Variants in CARMIL1 observed in about 807,000 individuals in gnomAD.
The protein encoded by CARMIL1 is F-actin-uncapping protein LRRC16A.
In CARMIL1, 90 loss-of-function variants were observed where a neutral mutation model predicts 177.1. The ratio of observed to expected loss-of-function variants is 0.51; its 90% confidence interval spans 0.43 to 0.61. The LOEUF (loss-of-function observed/expected upper bound fraction) is 0.61, where lower values mean the gene tolerates loss of function less well. Among genes scored for constraint, CARMIL1 ranks in the 20% least tolerant of loss-of-function variants. The pLI, the probability that CARMIL1 is intolerant of heterozygous loss-of-function variation, is 0.00. For missense variants in CARMIL1, 1,380 were observed against 1,667.0 expected (o/e 0.83, Z 3.00); for synonymous variants, 577 against 606.2 (o/e 0.95, Z 0.71).
intron 2 of CARMIL1, among the ~76,000 whole-genome samples, chr6:25,396,363 C>CTT (rs548277789): frequency 9.2e-5 from 13 of 140,752 alleles, no homozygotes; most frequent in Non-Finnish European, 1.2e-4. Flanking sequence ...TTTTTTTTTC[C>CTT]TTTTTTTTTT....
intron 2 of CARMIL1, among the ~76,000 whole-genome samples, chr6:25,338,102 C>T (rs1453752934): frequency 6.6e-6 from 1 of 151,934 alleles, no homozygotes; most frequent in Non-Finnish European, 1.5e-5. Flanking sequence ...ACCGAAAATA[C>T]AAAAATTAGC....
At chr6:25,286,439 T>G (rs1781530527) in intron 2 of CARMIL1, among the ~76,000 whole-genome samples, 1 of 152,238 alleles carries the variant, frequency 6.6e-6, no homozygotes, top group Admixed American at 6.5e-5. Context: ...TTATGTAAAC[T>G]GCATGATTAA....
At chr6:25,391,137 C>T (rs1302974882) in intron 2 of CARMIL1, among the ~76,000 whole-genome samples, 1 of 152,184 alleles carries the variant, frequency 6.6e-6, no homozygotes, top group Non-Finnish European at 1.5e-5. Context: ...TTAAAGATAG[C>T]TATTTGTACT....
Position 25,556,859 on chromosome 6 carries a change from C to T in CARMIL1, c.2742+9C>T, listed in dbSNP as rs768339353. On this transcript the variant is annotated intron_variant, in intron 29 of 36. Coordinates refer to ENST00000329474, the MANE Select transcript of CARMIL1 (RefSeq NM_017640.6). ...ATCTGGATACCTGTATGGTAAGACA[C>T]ATCCTCTGGTGGTACCGTTACCCTT... 3 of 1,609,318 alleles carry T rather than the reference C, an allele frequency of 1.9e-6. No homozygotes were observed. Among genetic ancestry groups the T allele is most frequent in the South Asian group, 2.2e-5 (2 of 90,956 alleles).
chr6:25,359,097 T>C (rs1788924025), intron 2 of CARMIL1, among the ~76,000 whole-genome samples: 1 of 152,208 alleles, frequency 6.6e-6, no homozygotes, highest in African/African-American at 2.4e-5. Context: ...CTGGGCACCA[T>C]GGTCACAGGC....
chr6:25,508,011 A>T (rs1047087457), intron 17 of CARMIL1, among the ~76,000 whole-genome samples: 6 of 152,210 alleles, frequency 3.9e-5, no homozygotes, highest in Non-Finnish European at 7.3e-5. Flanking sequence ...ATTTAGAAAG[A>T]CATAGATATG....
At chr6:25,583,203 A>G (rs1326408556) in intron 31 of CARMIL1, among the ~76,000 whole-genome samples, 1 of 152,106 alleles carries the variant, frequency 6.6e-6, no homozygotes, top group East Asian at 1.9e-4. Flanking sequence ...GATCATAGTT[A>G]TTTCTAAAGA....
At chr6:25,406,575 A>G (rs1794395148) in intron 2 of CARMIL1, among the ~76,000 whole-genome samples, 1 of 152,194 alleles carries the variant, frequency 6.6e-6, no homozygotes, top group South Asian at 2.1e-4. Flanking sequence ...GAATAGTATC[A>G]TAGTAGTAGA....
In CARMIL1 at chr6:25,475,323, C is replaced by A. The variant is rs140416860; in HGVS notation, c.874+2802C>A. Among the ~76,000 whole-genome samples the A allele has an allele frequency of 4.6e-3, 689 of 151,382 alleles. 8 individuals carry two copies. The highest frequency in any genetic ancestry group is 0.016 in the African/African-American group (643 of 41,210). On this transcript the variant is annotated intron_variant, in intron 11 of 36. Coordinates refer to ENST00000329474, the MANE Select transcript of CARMIL1 (RefSeq NM_017640.6). Reference sequence around the variant, plus strand: ...GGAGGCTGAGGCAGGAGAATGGTGACTGGGGAGGCAGAGCTTGCAGTGAGC... The same window carrying A: ...GGAGGCTGAGGCAGGAGAATGGTGAATGGGGAGGCAGAGCTTGCAGTGAGC...
At chr6:25,533,289 G>T (rs1807951484) in intron 24 of CARMIL1, among the ~76,000 whole-genome samples, 1 of 152,118 alleles carries the variant, frequency 6.6e-6, no homozygotes, top group Non-Finnish European at 1.5e-5. Flanking sequence ...TTGATAAAAG[G>T]AGGCAGAATA....
At chr6:25,611,449 A>G (rs1287846246) in intron 36 of CARMIL1, among the ~76,000 whole-genome samples, 2 of 152,210 alleles carry the variant, frequency 1.3e-5, no homozygotes, top group Admixed American at 6.5e-5. Flanking sequence ...TTGAGCCTGC[A>G]GGTATTCTCT....
chr6:25,298,700 G>A (rs1234330653), intron 2 of CARMIL1, among the ~76,000 whole-genome samples: 1 of 150,998 alleles, frequency 6.6e-6, no homozygotes, highest in Admixed American at 6.6e-5. Context: ...GGGCACTGCT[G>A]TCTGTTGCTG....
intron 31 of CARMIL1, among the ~76,000 whole-genome samples, chr6:25,581,950 TTTC>T (rs1813157701): frequency 6.6e-6 from 1 of 152,226 alleles, no homozygotes; most frequent in Non-Finnish European, 1.5e-5. Context: ...CATCCTCCTC[TTTC>T]TACTCCAGTA....
chr6:25,586,315 C>T (rs1278802330), intron 31 of CARMIL1, among the ~76,000 whole-genome samples: 4 of 147,306 alleles, frequency 2.7e-5, no homozygotes, highest in Non-Finnish European at 4.4e-5. Flanking sequence ...AGTTCCCAGA[C>T]GGGGTCGCGG....
At position 25,469,274 on chromosome 6, in the gene CARMIL1, A is replaced by G. The variant is rs557780489; in HGVS notation, c.691-1895A>G. On this transcript the variant is annotated intron_variant, in intron 9 of 36. Transcript: ENST00000329474. Reference sequence around the variant, plus strand: ...GTGGTACTTGGGGTGTATCCAAGTTAGGTTTTCTTAAAAATACTTGGCTAG... The same window carrying G: ...GTGGTACTTGGGGTGTATCCAAGTTGGGTTTTCTTAAAAATACTTGGCTAG... 3.9e-5 allele frequency among the ~76,000 whole-genome samples: 6 copies of G among 152,338 alleles called. 1 individual carries two copies. The highest frequency in any genetic ancestry group is 4.1e-4 in the South Asian group (2 of 4,834).
chr6:25,455,323 C>T (rs1582012084), intron 8 of CARMIL1, among the ~76,000 whole-genome samples: 1 of 151,994 alleles, frequency 6.6e-6, no homozygotes, highest in South Asian at 2.1e-4. Flanking sequence ...TTTTTCTCGC[C>T]GTTATATTTA....
Position 25,502,416 on chromosome 6 carries a change from G to A in CARMIL1, c.1395+2181G>A, listed in dbSNP as rs996575066. ...CTAAAAATACAAAAATTAGCTGGGT[G>A]TGGTGGCGGGTGCCTGTAATCCCAG... is the stretch of plus-strand genomic sequence containing the variant. On this transcript the variant is annotated intron_variant, in intron 17 of 36. Coordinates refer to ENST00000329474, the MANE Select transcript of CARMIL1 (RefSeq NM_017640.6). Among the ~76,000 whole-genome samples, 5 of 152,014 alleles carry A rather than the reference G, an allele frequency of 3.3e-5. No individual in the cohort carries two copies. The East Asian group carries it at 9.6e-4, about 29-fold the overall frequency.
At position 25,556,723 on chromosome 6, in the gene CARMIL1, G is replaced by C; in HGVS notation, c.2615G>C (p.Gly872Ala). The C allele has an allele frequency of 5.6e-6, 9 of 1,613,162 alleles. No homozygotes were observed. The highest frequency in any genetic ancestry group is 7.6e-6 in the Non-Finnish European group (9 of 1,179,560). The change falls in exon 29 of 37, where the codon GGC becomes GCC. Residue 872 changes from glycine to alanine, a missense_variant. Physicochemically the swap from Gly to Ala is moderately conservative, Grantham distance 60 (BLOSUM62 0). Coordinates refer to ENST00000329474, the MANE Select transcript of CARMIL1 (RefSeq NM_017640.6). Reference protein sequence around the residue: ...HKLADHFSRRGKTLPQQESLE... With the variant: ...HKLADHFSRRAKTLPQQESLE... ...TAGGCTGACCATTTCAGCAGACGTGGCAAGACCCTTCCTCAACAAGAATCC... is the reference window on the plus strand; with the variant it reads ...TAGGCTGACCATTTCAGCAGACGTGCCAAGACCCTTCCTCAACAAGAATCC...
At chr6:25,573,140 C>T (rs1812255033) in intron 29 of CARMIL1, among the ~76,000 whole-genome samples, 1 of 151,930 alleles carries the variant, frequency 6.6e-6, no homozygotes, top group Non-Finnish European at 1.5e-5. Context: ...CCAGGGATGA[C>T]CAAGGGGAGG....
Sources: allele counts gnomAD v4.1 joint callset (sites outside exome capture counted in the v4.1 genomes callset), GRCh38; gene constraint gnomAD v4.1.1; transcripts MANE v1.5; gene names NCBI Gene and HGNC (gene_info 2026-07-23, HGNC 2026-07-21).